PPP4R4: variants seen among roughly 807,000 people sequenced by gnomAD.
PPP4R4 encodes protein phosphatase 4 regulatory subunit 4.
PPP4R4 carries 70 observed loss-of-function variants against 121.8 expected under a neutral mutation model. That is an observed-to-expected ratio of 0.57 (90% CI 0.47 to 0.70). The LOEUF (loss-of-function observed/expected upper bound fraction) is 0.70. PPP4R4 is among the 30% of genes least tolerant of loss of function. The probability of loss-of-function intolerance (pLI) is 0.00; values close to 1 mark genes in which losing one functional copy is unlikely to be tolerated. For missense variants in PPP4R4, 875 were observed against 1,033.6 expected (o/e 0.85, Z 2.10); for synonymous variants, 348 against 355.7 (o/e 0.98, Z 0.24).
intron 9 of PPP4R4, 113 bp downstream of exon 9, chr14:94,240,908 A>G: frequency 7.9e-7 from 1 of 1,258,626 alleles, no homozygotes; most frequent in Non-Finnish European, 1.0e-6. Context: ...TCTTAAGTAT[A>G]TAAAAATCTT....
chr14:94,241,996 T>C (rs746319809), intron 10 of PPP4R4, 39 bp downstream of exon 10: 2 of 1,522,492 alleles, frequency 1.3e-6, no homozygotes, highest in Non-Finnish European at 1.8e-6. Flanking sequence ...GGATTTTTAT[T>C]ATAACTTTAA....
At chr14:94,211,901 G>T (rs1020601463) in intron 3 of PPP4R4, among the ~76,000 whole-genome samples, 3 of 152,172 alleles carry the variant, frequency 2.0e-5, no homozygotes, top group Non-Finnish European at 4.4e-5. Context: ...ATATGGTTCT[G>T]CTGGTTTTCA....
At chr14:94,198,041 T>C (rs577600496) in intron 2 of PPP4R4, among the ~76,000 whole-genome samples, 2 of 152,354 alleles carry the variant, frequency 1.3e-5, no homozygotes, top group Admixed American at 6.5e-5. Flanking sequence ...GTTATTTCCC[T>C]TGGATAAATG....
chr14:94,223,455 C>T (rs1365187463), intron 3 of PPP4R4, among the ~76,000 whole-genome samples: 2 of 152,166 alleles, frequency 1.3e-5, no homozygotes, highest in African/African-American at 4.8e-5. Context: ...TTCAGGACTG[C>T]CCTTATTCCC....
At chr14:94,213,313 G>A (rs1253347431) in intron 3 of PPP4R4, among the ~76,000 whole-genome samples, 1 of 152,152 alleles carries the variant, frequency 6.6e-6, no homozygotes, top group Admixed American at 6.5e-5. Context: ...CTGTACTACA[G>A]CAGCCTCCTC....
chr14:94,233,683 C>T lies in PPP4R4; in HGVS notation c.547C>T (p.Leu183Phe). ...GAATCCACTTGTTTCCAAGGCACAACTTTCCCAAACAGTCCAGTCTCGTTT... is the reference window on the plus strand; with the variant it reads ...GAATCCACTTGTTTCCAAGGCACAATTTTCCCAAACAGTCCAGTCTCGTTT... ...ILNPLVSKAQLSQTVQSRLVS... is the reference protein window; with the variant it reads ...ILNPLVSKAQFSQTVQSRLVS... Residue 183 changes from leucine to phenylalanine, a missense_variant, in exon 6 of 25, where the codon CTT (leucine) becomes TTT (phenylalanine). Physicochemically the swap from Leu to Phe is conservative, Grantham distance 22. Transcript: ENST00000304338. 6.3e-7 allele frequency: 1 copy of T among 1,599,446 alleles called. No individual in the cohort carries two copies. Among genetic ancestry groups the T allele is most frequent in the Non-Finnish European group, 8.5e-7 (1 of 1,173,062 alleles).
chr14:94,244,825 C>A, intron 12 of PPP4R4, 113 bp downstream of exon 12: 1 of 1,031,796 alleles, frequency 9.7e-7, no homozygotes, highest in East Asian at 3.6e-5. Context: ...CTGACTAGCC[C>A]CAGAAGCTTC....
chr14:94,205,613 A>G (rs1188264925), intron 2 of PPP4R4, among the ~76,000 whole-genome samples: 3 of 151,116 alleles, frequency 2.0e-5, no homozygotes, highest in Non-Finnish European at 3.0e-5. Flanking sequence ...TTGATTTGAG[A>G]TGTTCCATTT....
intron 16 of PPP4R4, among the ~76,000 whole-genome samples, chr14:94,253,339 A>G (rs925649798): frequency 6.6e-6 from 1 of 152,200 alleles, no homozygotes; most frequent in African/African-American, 2.4e-5. Flanking sequence ...ACATGCCTGC[A>G]GTCCCAGCTA....
intron 3 of PPP4R4, 57 bp downstream of exon 3, chr14:94,208,623 C>G: frequency 6.4e-6 from 9 of 1,406,332 alleles, no homozygotes; most frequent in African/African-American, 1.4e-5. Context: ...AGCATGTTGT[C>G]ATTGTTGAAA....
chr14:94,226,767 A>T (rs1891728689), intron 3 of PPP4R4, among the ~76,000 whole-genome samples: 1 of 152,156 alleles, frequency 6.6e-6, no homozygotes. Flanking sequence ...ATCTCTAAAA[A>T]TACACAGATA....
chr14:94,274,312 C>T (rs1034191875), intron 23 of PPP4R4, among the ~76,000 whole-genome samples: 43 of 151,818 alleles, frequency 2.8e-4, no homozygotes, highest in Non-Finnish European at 1.3e-4. Context: ...ATTAAAGCGT[C>T]TGGGCTTTGA....
intron 3 of PPP4R4, chr14:94,227,695 A>G (rs1891793081): frequency 1.1e-5 from 11 of 1,026,306 alleles, no homozygotes; most frequent in Non-Finnish European, 1.2e-5. Flanking sequence ...AAAACCCAGG[A>G]CTTTAATGAC....
intron 8 of PPP4R4, among the ~76,000 whole-genome samples, chr14:94,239,563 T>C (rs952228652): frequency 6.6e-6 from 1 of 152,036 alleles, no homozygotes; most frequent in Non-Finnish European, 1.5e-5. Flanking sequence ...ACACCAGGGG[T>C]TGGCAAACTA....
At chr14:94,202,914 CAG>C (rs1196812992) in intron 2 of PPP4R4, among the ~76,000 whole-genome samples, 1 of 150,718 alleles carries the variant, frequency 6.6e-6, no homozygotes, top group African/African-American at 2.4e-5. Flanking sequence ...ACCAGGGAGT[CAG>C]AGGTTGCAGT....
intron 23 of PPP4R4, 107 bp from the exon 24 acceptor site, chr14:94,275,267 T>C (rs1894571510): frequency 4.0e-6 from 5 of 1,264,390 alleles, no homozygotes; most frequent in Non-Finnish European, 4.5e-6. Context: ...CCTCATAAAA[T>C]TGATTTAAAA....
chr14:94,274,700 A>T (rs1327008602), intron 23 of PPP4R4, among the ~76,000 whole-genome samples: 1 of 152,210 alleles, frequency 6.6e-6, no homozygotes, highest in African/African-American at 2.4e-5. Flanking sequence ...ATGTCAGGAA[A>T]GAAAAGAAAT....
At chr14:94,228,075 A>G (rs1443142129) in intron 3 of PPP4R4, among the ~76,000 whole-genome samples, 1 of 152,188 alleles carries the variant, frequency 6.6e-6, no homozygotes, top group East Asian at 1.9e-4. Flanking sequence ...TTGAAAAAAC[A>G]TGTAAAATAA....
chr14:94,204,140 T>G (rs1890336353), intron 2 of PPP4R4, among the ~76,000 whole-genome samples: 1 of 152,196 alleles, frequency 6.6e-6, no homozygotes, highest in South Asian at 2.1e-4. Flanking sequence ...CCCATGTTTT[T>G]CCTGACAGGT....
Sources: gnomAD v4.1 joint callset for allele counts (sites outside exome capture counted in the v4.1 genomes callset) on GRCh38, gnomAD v4.1.1 for gene constraint, MANE v1.5 for transcripts, NCBI Gene and HGNC (gene_info 2026-07-23, HGNC 2026-07-21) for gene names.